GRIN2A: variants seen among roughly 807,000 people sequenced by gnomAD.
GRIN2A encodes the protein glutamate ionotropic receptor NMDA type subunit 2A, also known as glutamate receptor ionotropic, NMDA 2A.
GRIN2A carries 22 observed loss-of-function variants against 113.4 expected under a neutral mutation model. That is an observed-to-expected ratio of 0.19 (90% CI 0.14 to 0.28). The LOEUF (loss-of-function observed/expected upper bound fraction) is 0.28. Among genes scored for constraint, GRIN2A ranks in the 10% least tolerant of loss-of-function variants. The probability of loss-of-function intolerance (pLI) is 1.00; values close to 1 mark genes in which losing one functional copy is unlikely to be tolerated. For missense variants in GRIN2A, 1,502 were observed against 1,887.0 expected, an observed-to-expected ratio of 0.80 and a Z score of 3.78; for synonymous variants, 827 against 738.4, an observed-to-expected ratio of 1.12 and a Z score of -1.94.
chr16:9,911,576 AC>A (rs1279911816), intron 3 of GRIN2A, among the ~76,000 whole-genome samples: 1 of 152,168 alleles, frequency 6.6e-6, no homozygotes, highest in Admixed American at 6.5e-5. Flanking sequence ...AGTCCTGAGC[AC>A]CATCCCAATC....
At chr16:9,775,239 G>A (rs762248360) in intron 11 of GRIN2A, among the ~76,000 whole-genome samples, 40 of 152,024 alleles carry the variant, frequency 2.6e-4, no homozygotes, top group Non-Finnish European at 4.0e-4. Flanking sequence ...CAAAGCACCT[G>A]ACCCAAGGCA....
intron 4 of GRIN2A, among the ~76,000 whole-genome samples, chr16:9,857,898 T>A (rs367919533): frequency 6.6e-6 from 1 of 152,262 alleles, no homozygotes; most frequent in Non-Finnish European, 1.5e-5. Flanking sequence ...GTCAGTAGTT[T>A]TAGCCATAAA....
intron 2 of GRIN2A, among the ~76,000 whole-genome samples, chr16:10,022,679 A>C (rs2046747968): frequency 6.6e-6 from 1 of 152,220 alleles, no homozygotes; most frequent in Admixed American, 6.5e-5. Context: ...CATTTTGAGG[A>C]TGATAAATAA....
chr16:10,021,429 T>G (rs1262926906), intron 2 of GRIN2A, among the ~76,000 whole-genome samples: 1 of 152,182 alleles, frequency 6.6e-6, no homozygotes, highest in East Asian at 1.9e-4. Flanking sequence ...TGGTAAGTGT[T>G]GGAGCCAGAA....
At chr16:9,947,410 T>TAA (rs1385672657) in intron 2 of GRIN2A, among the ~76,000 whole-genome samples, 1 of 152,230 alleles carries the variant, frequency 6.6e-6, no homozygotes, top group Non-Finnish European at 1.5e-5. Flanking sequence ...TCCCGTTCAT[T>TAA]AAGTTTTCGT....
chr16:10,130,736 C>G (rs573386765), intron 2 of GRIN2A, among the ~76,000 whole-genome samples: 1 of 152,214 alleles, frequency 6.6e-6, no homozygotes, highest in Non-Finnish European at 1.5e-5. Context: ...GCTTCTCCTG[C>G]AACTTCTCGT....
intron 2 of GRIN2A, among the ~76,000 whole-genome samples, chr16:10,133,380 G>T (rs1483953906): frequency 6.6e-6 from 1 of 152,176 alleles, no homozygotes; most frequent in Non-Finnish European, 1.5e-5. Context: ...GGCCAAGGCG[G>T]GTGGATCACC....
intron 2 of GRIN2A, chr16:10,113,030 A>G (rs7197559): frequency 0.96 from 282,312 of 294,082 alleles, 136,584 homozygotes; most frequent in East Asian, 1. Flanking sequence ...GAGGTCCTGA[A>G]GGCTCTGCAG....
chr16:10,040,836 TG>T (rs1281759647), intron 2 of GRIN2A, among the ~76,000 whole-genome samples: 2 of 152,224 alleles, frequency 1.3e-5, no homozygotes, highest in African/African-American at 4.8e-5. Context: ...GAGGCAGCTG[TG>T]GGGGAGGCTG....
intron 11 of GRIN2A, among the ~76,000 whole-genome samples, chr16:9,791,108 A>G (rs1442762479): frequency 3.9e-5 from 6 of 152,222 alleles, no homozygotes; most frequent in Non-Finnish European, 5.9e-5. Flanking sequence ...TCACACCACT[A>G]GGAAACTGCA....
rs570847684 is a variant in GRIN2A at position 9,757,726 on chromosome 16, A to G, written c.*5423T>C. 2.2e-4 allele frequency: 48 copies of G among 216,752 alleles called. No individual in the cohort carries two copies. The highest frequency in any genetic ancestry group is 4.0e-4 in the Non-Finnish European group (43 of 107,506). 13.4% of individuals were successfully genotyped at this position (216,752 alleles called of 1,614,324 possible). A position where few individuals can be genotyped will look rare whatever the true frequency, so the allele number is the denominator to read the frequency against. On this transcript the variant is annotated 3_prime_UTR_variant, in exon 13 of 13. Coordinates refer to ENST00000330684, the MANE Select transcript of GRIN2A (RefSeq NM_001134407.3). ...CCTTTTATCTTCAGTTTGAGGTTTT[A>G]AACAATATCCCTGTTGATTTTTCCT...
chr16:10,030,339 ATGT>A (rs1275657619), intron 2 of GRIN2A, among the ~76,000 whole-genome samples: 2 of 152,058 alleles, frequency 1.3e-5, no homozygotes, highest in Non-Finnish European at 2.9e-5. Context: ...GCTCCAGATC[ATGT>A]TGTGTTTGTA....
At chr16:9,900,793 C>T (rs1380099286) in intron 3 of GRIN2A, among the ~76,000 whole-genome samples, 1 of 152,180 alleles carries the variant, frequency 6.6e-6, no homozygotes, top group Non-Finnish European at 1.5e-5. Flanking sequence ...CCTCTCATGA[C>T]TAAGGATCAC....
chr16:10,166,461 C>T (rs2049926262), intron 2 of GRIN2A, among the ~76,000 whole-genome samples: 1 of 152,166 alleles, frequency 6.6e-6, no homozygotes, highest in African/African-American at 2.4e-5. Flanking sequence ...TGGGGGATGA[C>T]AACCTGTAGG....
intron 5 of GRIN2A, among the ~76,000 whole-genome samples, chr16:9,844,134 A>G (rs994596525): frequency 1.3e-5 from 2 of 152,102 alleles, no homozygotes; most frequent in African/African-American, 4.8e-5. Flanking sequence ...GGAAGATTAG[A>G]GAGAAGTTTT....
intron 2 of GRIN2A, among the ~76,000 whole-genome samples, chr16:10,044,122 C>T (rs568446847): frequency 4.0e-5 from 6 of 151,384 alleles, no homozygotes; most frequent in South Asian, 2.1e-4. Context: ...GGCGCAATCT[C>T]GGCTCACTGC....
intron 2 of GRIN2A, among the ~76,000 whole-genome samples, chr16:10,011,115 C>G (rs2046496503): frequency 6.6e-6 from 1 of 152,230 alleles, no homozygotes; most frequent in African/African-American, 2.4e-5. Flanking sequence ...ACCTTCCCCA[C>G]TCTTTCTTAT....
chr16:9,838,133 A>G (rs2042612787), intron 7 of GRIN2A, among the ~76,000 whole-genome samples: 1 of 152,178 alleles, frequency 6.6e-6, no homozygotes, highest in South Asian at 2.1e-4. Flanking sequence ...GGTGTCCACA[A>G]ATTGGTTTCA....
intron 3 of GRIN2A, among the ~76,000 whole-genome samples, chr16:9,929,312 T>G (rs1401538272): frequency 6.6e-6 from 1 of 152,234 alleles, no homozygotes; most frequent in Non-Finnish European, 1.5e-5. Flanking sequence ...TAATTTAACA[T>G]GTCTAAAATT....
Sources: gnomAD v4.1 joint callset for allele counts (sites outside exome capture counted in the v4.1 genomes callset) on GRCh38, gnomAD v4.1.1 for gene constraint, MANE v1.5 for transcripts, NCBI Gene and HGNC (gene_info 2026-07-23, HGNC 2026-07-21) for gene names.